VEGFC: variants seen among roughly 807,000 people sequenced by gnomAD.
VEGFC encodes vascular endothelial growth factor C, also known as FLT4 ligand DHM.
A neutral mutation model predicts 46.1 loss-of-function variants in VEGFC; 12 were observed. The ratio of observed to expected loss-of-function variants is 0.26; its 90% confidence interval spans 0.17 to 0.42. The LOEUF (loss-of-function observed/expected upper bound fraction) is 0.42, where lower values mean the gene tolerates loss of function less well. VEGFC is among the 10% of genes least tolerant of loss of function. The pLI, the probability that VEGFC is intolerant of heterozygous loss-of-function variation, is 1.00. For missense variants in VEGFC, 488 were observed against 529.4 expected (o/e 0.92, Z 0.77); for synonymous variants, 232 against 195.5 (o/e 1.19, Z -1.56).
chr4:176,789,958 A>G (rs548265822), intron 1 of VEGFC, among the ~76,000 whole-genome samples: 1 of 152,324 alleles, frequency 6.6e-6, no homozygotes, highest in South Asian at 2.1e-4. Context: ...TCTTCTGTTT[A>G]CCTTCTGAAA....
chr4:176,779,543 C>T (rs1175752681), intron 1 of VEGFC, among the ~76,000 whole-genome samples: 1 of 152,084 alleles, frequency 6.6e-6, no homozygotes, highest in Non-Finnish European at 1.5e-5. Flanking sequence ...AAAAAGAGTA[C>T]TACTCTTTCT....
At chr4:176,715,908 TC>T (rs1734691208) in intron 3 of VEGFC, among the ~76,000 whole-genome samples, 1 of 152,178 alleles carries the variant, frequency 6.6e-6, no homozygotes, top group Non-Finnish European at 1.5e-5. Flanking sequence ...GTTTACTTAG[TC>T]TTGAGAAACA....
At chr4:176,689,471 G>A (rs1004072273) in intron 4 of VEGFC, 11 of 152,126 alleles carry the variant, frequency 7.2e-5, no homozygotes, top group African/African-American at 2.4e-4. Context: ...AAGCTTTCCT[G>A]TCCAGCAAGT....
At chr4:176,698,415 A>T (rs1734363292) in intron 4 of VEGFC, among the ~76,000 whole-genome samples, 1 of 152,030 alleles carries the variant, frequency 6.6e-6, no homozygotes, top group Non-Finnish European at 1.5e-5. Flanking sequence ...ATTTGTATAT[A>T]CATATACATA....
At chr4:176,788,532 C>T (rs1041448582) in intron 1 of VEGFC, among the ~76,000 whole-genome samples, 18 of 152,240 alleles carry the variant, frequency 1.2e-4, no homozygotes, top group African/African-American at 4.3e-4. Context: ...GATGGGGCTA[C>T]ATCCTGACAA....
intron 3 of VEGFC, among the ~76,000 whole-genome samples, chr4:176,727,333 C>T (rs1035523371): frequency 6.6e-6 from 1 of 152,164 alleles, no homozygotes. Flanking sequence ...TATTTCAATA[C>T]TATACCACTG....
chr4:176,727,115 A>G (rs1279099060), intron 3 of VEGFC, among the ~76,000 whole-genome samples: 1 of 152,194 alleles, frequency 6.6e-6, no homozygotes, highest in Non-Finnish European at 1.5e-5. Flanking sequence ...AGCCTCCTCT[A>G]CCACGTAAGG....
intron 1 of VEGFC, among the ~76,000 whole-genome samples, chr4:176,778,347 T>C (rs1023540661): frequency 1.4e-4 from 22 of 151,776 alleles, no homozygotes; most frequent in African/African-American, 4.4e-4. Context: ...CAATTATAAT[T>C]GGGAGCAAGA....
chr4:176,701,694 C>T (rs1195385107), intron 4 of VEGFC, among the ~76,000 whole-genome samples: 8 of 152,046 alleles, frequency 5.3e-5, no homozygotes, highest in Non-Finnish European at 1.2e-4. Flanking sequence ...AGATAATGAG[C>T]TTTATAGGAA....
At chr4:176,718,150 T>C (rs1289987397) in intron 3 of VEGFC, among the ~76,000 whole-genome samples, 1 of 152,178 alleles carries the variant, frequency 6.6e-6, no homozygotes, top group South Asian at 2.1e-4. Context: ...GCAAATGTTA[T>C]TCTTAAAGAA....
intron 4 of VEGFC, among the ~76,000 whole-genome samples, chr4:176,699,638 A>C (rs927877758): frequency 4.6e-5 from 7 of 152,156 alleles, no homozygotes; most frequent in Non-Finnish European, 1.0e-4. Flanking sequence ...GTTCATCTTG[A>C]GTTTGTTACG....
At chr4:176,724,663 G>T (rs2111012825) in intron 3 of VEGFC, among the ~76,000 whole-genome samples, 1 of 152,260 alleles carries the variant, frequency 6.6e-6, no homozygotes, top group Non-Finnish European at 1.5e-5. Context: ...TAACCTAAAG[G>T]TGTGTGTGCA....
At chr4:176,729,889 T>C (rs1734933419) in intron 1 of VEGFC, 143 bp from the exon 2 acceptor site, 2 of 471,502 alleles carry the variant, frequency 4.2e-6, no homozygotes, top group South Asian at 1.1e-4. Context: ...TTACTTCACT[T>C]TCCTTGGTAA....
intron 1 of VEGFC, among the ~76,000 whole-genome samples, chr4:176,781,935 A>G (rs1032750975): frequency 6.6e-6 from 1 of 152,234 alleles, no homozygotes; most frequent in Admixed American, 6.5e-5. Context: ...CACAAGGGAG[A>G]AAGTGCTGCC....
intron 4 of VEGFC, chr4:176,689,525 A>G (rs1221074641): frequency 6.6e-6 from 1 of 152,166 alleles, no homozygotes; most frequent in Non-Finnish European, 1.5e-5. Context: ...AGGTCTCTTC[A>G]TTCCTCTTCA....
chr4:176,791,246 TG>T lies in VEGFC; in HGVS notation c.147+918del, dbSNP rs1284987262. ...TCCAGCAAGGGGTACTGCAAGTGTTTGAACTGAAATGTCGAATATAACTTCT... is the reference window on the plus strand; with the variant it reads ...TCCAGCAAGGGGTACTGCAAGTGTTTAACTGAAATGTCGAATATAACTTCT... On this transcript the variant is annotated intron_variant, in intron 1 of 6. Coordinates refer to ENST00000618562, the MANE Select transcript of VEGFC (RefSeq NM_005429.5). Among the ~76,000 whole-genome samples, 3 of 152,278 alleles carry T rather than the reference TG, an allele frequency of 2.0e-5. No homozygotes were observed. The East Asian group carries it at 5.8e-4, about 29-fold the overall frequency.
In VEGFC at chr4:176,792,429, A is replaced by C. The variant is rs955701444; in HGVS notation, c.-118T>G. On this transcript the variant is annotated 5_prime_UTR_variant, in exon 1 of 7. Transcript: ENST00000618562. The surrounding 1 kb of genome is among the most constrained non-coding windows in gnomAD (Gnocchi z 6.3). ...CCTCTCCCCCGGGCTCCTCCCGGCG[A>C]CCCCCCCTGGGCGAGCCGGAGGCGG... 30 of 763,156 alleles carry C rather than the reference A, an allele frequency of 3.9e-5. No individual in the cohort carries two copies. Among genetic ancestry groups the C allele is most frequent in the South Asian group, 1.5e-4 (4 of 27,532 alleles). The allele number at this position is 763,156 out of a possible 1,614,324, so 47.3% of individuals were successfully genotyped here. A position where few individuals can be genotyped will look rare whatever the true frequency, so the allele number is the denominator to read the frequency against.
rs2877962 is a variant in VEGFC, at chr4:176,688,105, C to T, written c.705-178G>A. ...CTCTACCCACAACTGCTATAAAATT[C>T]CAATCCCAGAGGTGATCACTGTTTG... is the stretch of plus-strand genomic sequence containing the variant. On this transcript the variant is annotated intron_variant, in intron 4 of 6. Coordinates refer to ENST00000618562, the MANE Select transcript of VEGFC (RefSeq NM_005429.5). 0.58 allele frequency among the ~76,000 whole-genome samples: 88,762 copies of T among 151,784 alleles called. 28,187 individuals are homozygous for T. Among genetic ancestry groups the T allele is most frequent in the South Asian group, 0.74 (3,548 of 4,816 alleles).
chr4:176,699,334 C>T (rs1188317864), intron 4 of VEGFC, among the ~76,000 whole-genome samples: 1 of 152,144 alleles, frequency 6.6e-6, no homozygotes, highest in Admixed American at 6.5e-5. Flanking sequence ...AGCGGGTTAT[C>T]CAACAGGATG....
Sources: allele counts gnomAD v4.1 joint callset (sites outside exome capture counted in the v4.1 genomes callset), GRCh38; gene constraint gnomAD v4.1.1; non-coding constraint Gnocchi (gnomAD v3.1); transcripts MANE v1.5; gene names NCBI Gene and HGNC (gene_info 2026-07-23, HGNC 2026-07-21).